CDX1: variants seen among roughly 807,000 people sequenced by gnomAD.
The protein encoded by CDX1 is homeobox protein CDX-1.
Under a neutral mutation model 16.9 loss-of-function variants are expected in CDX1, and 9 were observed. The ratio of observed to expected loss-of-function variants is 0.53; its 90% CI spans 0.32 to 0.93. CDX1 has a LOEUF of 0.93. CDX1 is among the 40% of genes least tolerant of loss of function. The pLI, the probability that CDX1 is intolerant of heterozygous loss-of-function variation, is 0.04. For missense variants in CDX1, 393 were observed against 386.1 expected (o/e 1.02, Z -0.15); for synonymous variants, 179 against 179.0 (o/e 1.00, Z 0.00).
chr5:150,176,862 T>G (rs933309334), intron 1 of CDX1, among the ~76,000 whole-genome samples: 4 of 152,216 alleles, frequency 2.6e-5, no homozygotes, highest in Non-Finnish European at 5.9e-5. Context: ...CAGCAAGCCC[T>G]TGTGTGTACA....
At position 150,183,764 on chromosome 5, in the gene CDX1, G is replaced by A. The variant is rs557920185; in HGVS notation, c.*84G>A. The stretch of plus-strand genomic sequence containing the variant: ...CCTGTGGGCCCAGGAGGTCTGGTCC[G>A]AGTCTCAGCCCTGACCTTCTGGGAC... On this transcript the variant is annotated 3_prime_UTR_variant, in exon 3 of 3. Coordinates refer to ENST00000231656, the MANE Select transcript of CDX1 (RefSeq NM_001804.3). 19 of 1,161,366 alleles carry A rather than the reference G, an allele frequency of 1.6e-5. No homozygotes were observed. The African/African-American group carries it at 1.7e-4, about 10-fold the overall frequency. The allele number at this position is 1,161,366 out of a possible 1,614,324, so 71.9% of individuals were successfully genotyped here.
chr5:150,173,043 T>C (rs1019639227), intron 1 of CDX1, among the ~76,000 whole-genome samples: 20 of 152,154 alleles, frequency 1.3e-4, no homozygotes, highest in African/African-American at 4.3e-4. Context: ...CGCTCACCCC[T>C]CAGGCTTGTG....
intron 1 of CDX1, among the ~76,000 whole-genome samples, chr5:150,171,084 C>A (rs1372664625): frequency 6.6e-6 from 1 of 152,038 alleles, no homozygotes; most frequent in Non-Finnish European, 1.5e-5. Context: ...CTTGGTCCAA[C>A]CCTGTCAACT....
At chr5:150,178,524 C>G (rs1761598762) in intron 1 of CDX1, among the ~76,000 whole-genome samples, 1 of 152,202 alleles carries the variant, frequency 6.6e-6, no homozygotes, top group African/African-American at 2.4e-5. Context: ...CCCCACTGCT[C>G]TCACACACCT....
At chr5:150,172,122 T>C (rs1215170916) in intron 1 of CDX1, among the ~76,000 whole-genome samples, 2 of 152,184 alleles carry the variant, frequency 1.3e-5, no homozygotes, top group African/African-American at 2.4e-5. Context: ...CTGTCTCCTG[T>C]AGGAAGCCCT....
chr5:150,181,219 C>A (rs1240641444), intron 1 of CDX1, among the ~76,000 whole-genome samples: 1 of 152,186 alleles, frequency 6.6e-6, no homozygotes, highest in Non-Finnish European at 1.5e-5. Flanking sequence ...TTTGCACTTG[C>A]TGTTCCCTCT....
intron 1 of CDX1, among the ~76,000 whole-genome samples, chr5:150,167,796 C>A (rs760168572): frequency 6.6e-5 from 10 of 152,240 alleles, no homozygotes; most frequent in Non-Finnish European, 1.0e-4. Flanking sequence ...CCCCATCACA[C>A]AGTCAAGACA....
At chr5:150,178,547 C>T (rs1761599057) in intron 1 of CDX1, among the ~76,000 whole-genome samples, 1 of 152,226 alleles carries the variant, frequency 6.6e-6, no homozygotes, top group South Asian at 2.1e-4. Context: ...CTGCCCGCTC[C>T]TTCCCAGGCT....
chr5:150,173,503 A>G (rs1365908185), intron 1 of CDX1, among the ~76,000 whole-genome samples: 1 of 152,166 alleles, frequency 6.6e-6, no homozygotes, highest in Non-Finnish European at 1.5e-5. Flanking sequence ...AGCTAAGTAA[A>G]GTAGCGTTCT....
At chr5:150,174,174 C>T (rs1253511308) in intron 1 of CDX1, among the ~76,000 whole-genome samples, 1 of 152,196 alleles carries the variant, frequency 6.6e-6, no homozygotes, top group African/African-American at 2.4e-5. Flanking sequence ...ACTGCAGCCC[C>T]ACCTCGAACG....
chr5:150,168,753 C>T (rs1477873130), intron 1 of CDX1, among the ~76,000 whole-genome samples: 3 of 152,216 alleles, frequency 2.0e-5, no homozygotes, highest in Non-Finnish European at 4.4e-5. Flanking sequence ...TACACAACAG[C>T]TCCTCTTAAA....
At chr5:150,170,455 C>T (rs1761489742) in intron 1 of CDX1, among the ~76,000 whole-genome samples, 1 of 152,186 alleles carries the variant, frequency 6.6e-6, no homozygotes, top group African/African-American at 2.4e-5. Context: ...AGTAGGTGCT[C>T]AATATATTTT....
At chr5:150,182,069 G>A (rs1752450745) in intron 1 of CDX1, among the ~76,000 whole-genome samples, 2 of 152,182 alleles carry the variant, frequency 1.3e-5, no homozygotes. Context: ...TGATGTTGAG[G>A]CCATCCCCAG....
chr5:150,178,482 C>A (rs1207573557), intron 1 of CDX1, among the ~76,000 whole-genome samples: 1 of 152,156 alleles, frequency 6.6e-6, no homozygotes. Context: ...TCCCAGGGGC[C>A]TGTAAATAAT....
chr5:150,182,922 G>C lies in CDX1; in HGVS notation c.591+9G>C. On this transcript the variant is annotated intron_variant, in intron 2 of 2. Coordinates refer to ENST00000231656, the MANE Select transcript of CDX1 (RefSeq NM_001804.3). ...GGCTCACTGAACGGCAGGTGTGTCT[G>C]TCTTCCTATCTCAGCCATAGGAGCA... 6.2e-7 allele frequency: 1 copy of C among 1,601,104 alleles called. No individual in the cohort carries two copies. The highest frequency in any genetic ancestry group is 2.2e-5 in the East Asian group (1 of 44,776).
chr5:150,172,222 T>C (rs1006732463), intron 1 of CDX1, among the ~76,000 whole-genome samples: 1 of 152,258 alleles, frequency 6.6e-6, no homozygotes, highest in Non-Finnish European at 1.5e-5. Context: ...TGTTTATCCC[T>C]GCCACTGACC....
Position 150,183,561 on chromosome 5 carries a change from A to C in CDX1, c.679A>C (p.Met227Leu). 6.2e-7 allele frequency: 1 copy of C among 1,612,468 alleles called. No individual in the cohort carries two copies. Among genetic ancestry groups the C allele is most frequent in the Non-Finnish European group, 8.5e-7 (1 of 1,178,910 alleles). Residue 227 changes from methionine (M) to leucine (L), a missense_variant, in exon 3 of 3, where the codon ATG (methionine) becomes CTG (leucine). Physicochemically the swap from Met to Leu is conservative, Grantham distance 15 (BLOSUM62 2). Coordinates refer to ENST00000231656, the MANE Select transcript of CDX1 (RefSeq NM_001804.3). ...QQQQQPPQPP[M>L]AHDITATPAG... ...GCAGCAACAGCCCCCACAGCCGCCG[A>C]TGGCCCACGACATCACGGCCACCCC... is the stretch of plus-strand genomic sequence containing the variant.
Position 150,182,678 on chromosome 5 carries a change from A to G in CDX1, c.446-90A>G, listed in dbSNP as rs201181101. The stretch of plus-strand genomic sequence containing the variant: ...CAGGGTCCTACTTCAGGGAGCCTGG[A>G]TTGTCTTCCTCCTGGGGGTCCTGCC... On this transcript the variant is annotated intron_variant, in intron 1 of 2. Coordinates refer to ENST00000231656, the MANE Select transcript of CDX1 (RefSeq NM_001804.3). The G allele has an allele frequency of 6.1e-6, 8 of 1,307,690 alleles. No homozygotes were observed. The East Asian group carries it at 2.1e-4, about 34-fold the overall frequency. 81.0% of individuals were successfully genotyped at this position (1,307,690 alleles called of 1,614,324 possible). A position where few individuals can be genotyped will look rare whatever the true frequency, so the allele number is the denominator to read the frequency against.
intron 1 of CDX1, among the ~76,000 whole-genome samples, chr5:150,181,502 C>T (rs1412797015): frequency 6.6e-6 from 1 of 152,116 alleles, no homozygotes; most frequent in Non-Finnish European, 1.5e-5. Context: ...GTCTTGAACC[C>T]CTGACCTCAC....
Sources: gnomAD v4.1 joint callset for allele counts (sites outside exome capture counted in the v4.1 genomes callset) on GRCh38, gnomAD v4.1.1 for gene constraint, MANE v1.5 for transcripts, NCBI Gene and HGNC (gene_info 2026-07-23, HGNC 2026-07-21) for gene names.